Variants in MCM3AP observed in about 807,000 individuals in gnomAD.
MCM3AP encodes minichromosome maintenance complex component 3 associated protein.
MCM3AP carries 126 observed loss-of-function variants against 184.1 expected under a neutral mutation model. That is an observed-to-expected ratio of 0.68 (90% CI 0.59 to 0.79). The LOEUF is 0.79. Ranked by LOEUF, MCM3AP falls within the 30% of genes least tolerant of loss-of-function variation. MCM3AP has a pLI of 0.00. For synonymous variants in MCM3AP, 1,002 were observed against 979.3 expected (o/e 1.02, Z -0.43); for missense variants, 2,496 against 2,479.2 (o/e 1.01, Z -0.14).
In MCM3AP at chr21:46,254,400, A is replaced by C; in HGVS notation, c.4128T>G (p.Ser1376Arg). 6.2e-7 allele frequency: 1 copy of C among 1,613,900 alleles called. No homozygotes were observed. Among genetic ancestry groups the C allele is most frequent in the Non-Finnish European group, 8.5e-7 (1 of 1,179,974 alleles). Reference sequence around the variant, plus strand: ...GGAAAACCCTTCCTGACCTGCCACAACTCTCTGGGGACTGCTCCTCTACAT... The same window carrying C: ...GGAAAACCCTTCCTGACCTGCCACACCTCTCTGGGGACTGCTCCTCTACAT... ...LPDVEEQSPESCGRILANWLK... is the reference protein window; with the variant it reads ...LPDVEEQSPERCGRILANWLK... The change falls in exon 19 of 28, where the codon AGT becomes AGG. Residue 1376 changes from serine (S) to arginine (R), a missense_variant. Ser to Arg is a moderately radical substitution (Grantham distance 110). Coordinates refer to ENST00000291688, the MANE Select transcript of MCM3AP (RefSeq NM_003906.5).
chr21:46,264,736 CCA>C (rs1184593400), intron 12 of MCM3AP, among the ~76,000 whole-genome samples: 1 of 152,014 alleles, frequency 6.6e-6, no homozygotes, highest in Non-Finnish European at 1.5e-5. Context: ...CAGCCAGAGA[CCA>C]CACACACCAG....
At chr21:46,260,982 C>G in intron 14 of MCM3AP, 76 bp from the exon 15 acceptor site, 1 of 1,185,442 alleles carries the variant, frequency 8.4e-7, no homozygotes, top group Admixed American at 1.8e-5. Flanking sequence ...ACTCCCTGGC[C>G]ACGCAGACAG....
At chr21:46,243,423 G>A (rs757217856) in intron 24 of MCM3AP, 42 bp downstream of exon 24, 2 of 1,543,010 alleles carry the variant, frequency 1.3e-6, no homozygotes, top group Non-Finnish European at 1.7e-6. Flanking sequence ...GACCAGGAAA[G>A]TCTCGTGAGG....
In MCM3AP at chr21:46,251,513, A is replaced by C; in HGVS notation, c.4290+16T>G. The stretch of plus-strand genomic sequence containing the variant: ...AATGAAAACACAGAAGTAAACACAA[A>C]GTAATTATAGTTCACCTTTATACAC... On this transcript the variant is annotated intron_variant, in intron 20 of 27. Coordinates refer to ENST00000291688, the MANE Select transcript of MCM3AP (RefSeq NM_003906.5). The C allele has an allele frequency of 6.3e-7, 1 of 1,579,302 alleles. No individual in the cohort carries two copies. Among genetic ancestry groups the C allele is most frequent in the East Asian group, 2.3e-5 (1 of 44,184 alleles).
At chr21:46,264,644 C>T (rs1004875411) in intron 12 of MCM3AP, among the ~76,000 whole-genome samples, 6 of 152,154 alleles carry the variant, frequency 3.9e-5, no homozygotes, top group African/African-American at 1.4e-4. Context: ...CCTGAGGCCA[C>T]AACCATCAAG....
At position 46,283,595 on chromosome 21, in the gene MCM3AP, G is replaced by A; in HGVS notation, c.1443+20C>T. The A allele has an allele frequency of 1.9e-6, 3 of 1,546,424 alleles. No homozygotes were observed. Among genetic ancestry groups the A allele is most frequent in the Non-Finnish European group, 2.7e-6 (3 of 1,119,940 alleles). On this transcript the variant is annotated intron_variant, in intron 2 of 27. Transcript: ENST00000291688. ...AAGGTTCAAATCTAGGGTAACAAATGGCAAGATGGGAGTACTCACATGATC... is the reference window on the plus strand; with the variant it reads ...AAGGTTCAAATCTAGGGTAACAAATAGCAAGATGGGAGTACTCACATGATC...
chr21:46,284,098 C>T lies in MCM3AP; in HGVS notation c.1189G>A (p.Glu397Lys), dbSNP rs1267169845. 6 of 1,613,310 alleles carry T rather than the reference C, an allele frequency of 3.7e-6. No homozygotes were observed. The South Asian group carries it at 6.6e-5, about 18-fold the overall frequency. The change falls in exon 1 of 28, where the codon GAA becomes AAA. Residue 397 changes from glutamate to lysine, a missense_variant. Transcript: ENST00000291688. ...PSRIPGVNKE[E>K]ETESREKKED... ...TTCTTCTCTCTACTTTCAGTTTCTTCCTCTTTATTCACACCTGGAATCCGG... is the reference window on the plus strand; with the variant it reads ...TTCTTCTCTCTACTTTCAGTTTCTTTCTCTTTATTCACACCTGGAATCCGG...
rs1048572033 is a variant in MCM3AP, at chr21:46,266,826, C to T, written c.2789+156G>A. ...GACAGCCAGGATGTGACCTTGGGAACACCCCCAGCCATTCTGAGTCTCGTG... is the reference window on the plus strand; with the variant it reads ...GACAGCCAGGATGTGACCTTGGGAATACCCCCAGCCATTCTGAGTCTCGTG... On this transcript the variant is annotated intron_variant, in intron 10 of 27. Transcript: ENST00000291688. 7.8e-6 allele frequency: 6 copies of T among 765,088 alleles called. No individual in the cohort carries two copies. In the African/African-American group the frequency reaches 1.1e-4, roughly 13 times the overall value. 47.4% of individuals were successfully genotyped at this position (765,088 alleles called of 1,614,324 possible).
In MCM3AP at chr21:46,246,331, A is replaced by G. The variant is rs770597160; in HGVS notation, c.4623T>C (p.Ile1541=). 4 of 1,609,432 alleles carry G rather than the reference A, an allele frequency of 2.5e-6. No individual in the cohort carries two copies. The highest frequency in any genetic ancestry group is 3.4e-6 in the Non-Finnish European group (4 of 1,175,624). ...DYTVTEIPDT[I]NDLQGSTKVL... is the part of the protein sequence containing the mutation. ...CCTTAGTTGAACCTTGTAGATCATTAATGGTATCAGGGATCTCGGTAACAG... is the reference window on the plus strand; with the variant it reads ...CCTTAGTTGAACCTTGTAGATCATTGATGGTATCAGGGATCTCGGTAACAG... The change falls in exon 22 of 28, where the codon ATT becomes ATC. Residue 1541 remains isoleucine, a synonymous_variant. Coordinates refer to ENST00000291688, the MANE Select transcript of MCM3AP (RefSeq NM_003906.5).
In MCM3AP at chr21:46,283,712, C is replaced by G; in HGVS notation, c.1346G>C (p.Arg449Thr). 1.2e-6 allele frequency: 2 copies of G among 1,614,116 alleles called. No homozygotes were observed. Among genetic ancestry groups the G allele is most frequent in the African/African-American group, 2.7e-5 (2 of 75,038 alleles). The change falls in exon 2 of 28, where the codon AGG becomes ACG. Residue 449 changes from arginine (R) to threonine (T), a missense_variant. Physicochemically the swap from Arg to Thr is moderately conservative, Grantham distance 71 (BLOSUM62 -1). Transcript: ENST00000291688. Reference sequence around the variant, plus strand: ...GCCAAAATGGTTCTCCAGAATGGTCCTGTCGTTGAGGTAGTCAGGGATGTT... The same window carrying G: ...GCCAAAATGGTTCTCCAGAATGGTCGTGTCGTTGAGGTAGTCAGGGATGTT... ...CKNIPDYLND[R>T]TILENHFGKI...
intron 2 of MCM3AP, among the ~76,000 whole-genome samples, chr21:46,282,576 A>G (rs2081347197): frequency 6.6e-6 from 1 of 152,104 alleles, no homozygotes; most frequent in Non-Finnish European, 1.5e-5. Context: ...AGGCCGAGGC[A>G]GGCAGATCGT....
intron 8 of MCM3AP, among the ~76,000 whole-genome samples, chr21:46,270,895 G>A (rs557442275): frequency 2.0e-5 from 3 of 152,270 alleles, no homozygotes; most frequent in South Asian, 2.1e-4. Flanking sequence ...TAACTACCAC[G>A]CTTGGATTGG....
chr21:46,244,116 GA>G (rs764479191), intron 23 of MCM3AP, among the ~76,000 whole-genome samples: 1 of 152,232 alleles, frequency 6.6e-6, no homozygotes, highest in Non-Finnish European at 1.5e-5. Flanking sequence ...CTTCAATAAT[GA>G]GCATGAGTTA....
rs1374187678 is a variant in MCM3AP at position 46,235,435 on chromosome 21, A to C, written c.5785-9T>G. On this transcript the variant is annotated splice_polypyrimidine_tract_variant and intron_variant, in intron 27 of 27. Coordinates refer to ENST00000291688, the MANE Select transcript of MCM3AP (RefSeq NM_003906.5). ...TCCCTCATCATGTCACTCTATTTGA[A>C]TAAAAAAGAAACTGAACAGTTTTGG... 1 of 1,613,690 alleles carries C rather than the reference A, an allele frequency of 6.2e-7. No individual in the cohort carries two copies.
intron 26 of MCM3AP, among the ~76,000 whole-genome samples, chr21:46,238,730 A>C (rs2080593736): frequency 1.9e-5 from 1 of 53,302 alleles, no homozygotes; most frequent in African/African-American, 8.1e-5. Flanking sequence ...AAAAAATCTC[A>C]TCCCAAACCA....
chr21:46,243,218 C>G (rs1402296306), intron 24 of MCM3AP, among the ~76,000 whole-genome samples: 1 of 152,148 alleles, frequency 6.6e-6, no homozygotes, highest in Non-Finnish European at 1.5e-5. Flanking sequence ...TACTCAAAAG[C>G]CACAAAATCC....
rs201859678 is a variant in MCM3AP, at chr21:46,265,985, C to T, written c.2971G>A (p.Gly991Arg). The T allele has an allele frequency of 1.1e-5, 18 of 1,607,110 alleles. No homozygotes were observed. Among genetic ancestry groups the T allele is most frequent in the South Asian group, 9.0e-5 (8 of 88,738 alleles). The part of the protein sequence containing the change: ...CSFNSQNKYI[G>R]ESLAAELPVS... ...GGCAGCTCCGCGGCCAGGCTCTCCC[C>T]GATGTACTTGTTCTGGGAGTTGAAG... The change falls in exon 11 of 28, where the codon GGG becomes AGG. Residue 991 changes from glycine to arginine, a missense_variant. Coordinates refer to ENST00000291688, the MANE Select transcript of MCM3AP (RefSeq NM_003906.5).
Position 46,266,983 on chromosome 21 carries a change from C to G in MCM3AP, c.2788G>C (p.Gly930Arg). The G allele has an allele frequency of 6.2e-7, 1 of 1,614,068 alleles. No individual in the cohort carries two copies. The highest frequency in any genetic ancestry group is 8.5e-7 in the Non-Finnish European group (1 of 1,180,000). Residue 930 changes from glycine (G) to arginine (R), a missense_variant and splice_region_variant, in exon 10 of 28, where the codon GGC (glycine) becomes CGC (arginine). Around this residue, in one of 5 missense-constraint regions of MCM3AP, gnomAD observed 138 missense variants for 191.9 expected, o/e 0.72. Coordinates refer to ENST00000291688, the MANE Select transcript of MCM3AP (RefSeq NM_003906.5). ...LTCHGLTVSD[G>R]CVELNRSAFL... The stretch of plus-strand genomic sequence containing the variant: ...CACAGTTCCATTCTCAGCTCTTACC[C>G]GTCGGAAACGGTGAGGCCGTGGCAG...
chr21:46,260,960 GCT>G, intron 14 of MCM3AP, 54 bp from the exon 15 acceptor site: 2 of 1,407,180 alleles, frequency 1.4e-6, no homozygotes, highest in Non-Finnish European at 1.0e-6. Context: ...AAAAATAAGT[GCT>G]GTTTGTTTTA....
Sources: gnomAD v4.1 joint callset for allele counts (sites outside exome capture counted in the v4.1 genomes callset) on GRCh38, gnomAD v4.1.1 for gene constraint, gnomAD v4.1.1 regional missense constraint, MANE v1.5 for transcripts, NCBI Gene and HGNC (gene_info 2026-07-23, HGNC 2026-07-21) for gene names.